The following SLC24A4 variants were observed in gnomAD, a reference collection of about 807,000 sequenced individuals.
SLC24A4 encodes the protein solute carrier family 24 member 4.
A neutral mutation model predicts 79.0 loss-of-function variants in SLC24A4; 53 were observed. The ratio of observed to expected loss-of-function variants is 0.67; its 90% CI spans 0.54 to 0.84. The LOEUF (loss-of-function observed/expected upper bound fraction) is 0.84. SLC24A4 is among the 40% of genes least tolerant of loss of function. The pLI, the probability that SLC24A4 is intolerant of heterozygous loss-of-function variation, is 0.00. For missense variants in SLC24A4, 731 were observed against 822.0 expected, an observed-to-expected ratio of 0.89 and a Z score of 1.35; for synonymous variants, 323 against 323.8, an observed-to-expected ratio of 1.00 and a Z score of 0.03.
intron 2 of SLC24A4, among the ~76,000 whole-genome samples, chr14:92,416,979 A>G (rs1159004955): frequency 1.3e-5 from 2 of 152,302 alleles, no homozygotes; most frequent in Non-Finnish European, 1.5e-5. Context: ...CCAAGTTACA[A>G]CTGTCAGTCA....
intron 2 of SLC24A4, among the ~76,000 whole-genome samples, chr14:92,410,514 A>G (rs779081734): frequency 1.3e-5 from 2 of 152,168 alleles, no homozygotes; most frequent in Admixed American, 1.3e-4. Context: ...TTTAAAAGCA[A>G]AAATTACCAT....
intron 2 of SLC24A4, among the ~76,000 whole-genome samples, chr14:92,339,921 G>C (rs1051998128): frequency 6.6e-6 from 1 of 152,230 alleles, no homozygotes; most frequent in Non-Finnish European, 1.5e-5. Context: ...AGGCAGAAGT[G>C]ATTGTCTTAC....
chr14:92,439,016 T>G (rs1004776076), intron 3 of SLC24A4, among the ~76,000 whole-genome samples: 4 of 151,946 alleles, frequency 2.6e-5, no homozygotes, highest in African/African-American at 9.7e-5. Flanking sequence ...TTCCGGGGGG[T>G]TTCGAGAATT....
At chr14:92,340,433 G>T (rs1257954630) in intron 2 of SLC24A4, among the ~76,000 whole-genome samples, 2 of 152,250 alleles carry the variant, frequency 1.3e-5, no homozygotes, top group Admixed American at 1.3e-4. Context: ...GGGGAGGGTG[G>T]GACGTTGCTG....
chr14:92,493,528 A>G lies in SLC24A4; in HGVS notation c.1769A>G (p.Tyr590Cys), dbSNP rs754128643. ...CGACTGGACCGGAAGCTGGGTGTCT[A>G]CGTGCTGGTTCTCTACGCCATCTTC... ...KWRLDRKLGV[Y>C]VLVLYAIFLC... is the part of the protein sequence containing the mutation. Residue 590 changes from tyrosine (Y) to cysteine (C), a missense_variant, in exon 17 of 17, where the codon TAC becomes TGC. By Grantham distance (194) the Tyr-to-Cys change is radical. Coordinates refer to ENST00000532405, the MANE Select transcript of SLC24A4 (RefSeq NM_153646.4). 3 of 1,614,178 alleles carry G rather than the reference A, an allele frequency of 1.9e-6. No individual in the cohort carries two copies. The highest frequency in any genetic ancestry group is 2.2e-5 in the East Asian group (1 of 44,880).
Position 92,493,545 on chromosome 14 carries a change from G to A in SLC24A4, c.1786G>A (p.Ala596Thr), listed in dbSNP as rs140893773. 1.3e-5 allele frequency: 21 copies of A among 1,613,990 alleles called. No individual in the cohort carries two copies. Among genetic ancestry groups the A allele is most frequent in the South Asian group, 5.5e-5 (5 of 91,084 alleles). The stretch of plus-strand genomic sequence containing the variant: ...GGGTGTCTACGTGCTGGTTCTCTAC[G>A]CCATCTTCTTGTGCTTCTCCATAAT... The part of the protein sequence containing the change: ...KLGVYVLVLY[A>T]IFLCFSIMIE... The change falls in exon 17 of 17, where the codon GCC becomes ACC. Residue 596 changes from alanine to threonine, a missense_variant. Physicochemically the swap from Ala to Thr is moderately conservative, Grantham distance 58. Coordinates refer to ENST00000532405, the MANE Select transcript of SLC24A4 (RefSeq NM_153646.4).
chr14:92,325,175 G>C (rs186005529), intron 1 of SLC24A4, among the ~76,000 whole-genome samples: 1 of 152,242 alleles, frequency 6.6e-6, no homozygotes, highest in Non-Finnish European at 1.5e-5. Flanking sequence ...AGCTGAAGCA[G>C]TGCGCATCAG....
intron 2 of SLC24A4, among the ~76,000 whole-genome samples, chr14:92,344,448 T>C (rs1239155194): frequency 6.6e-6 from 1 of 152,184 alleles, no homozygotes; most frequent in Admixed American, 6.5e-5. Context: ...TAATGTGTAG[T>C]GTTAAGTGAG....
chr14:92,403,663 G>C (rs1890228383), intron 2 of SLC24A4, among the ~76,000 whole-genome samples: 2 of 151,362 alleles, frequency 1.3e-5, no homozygotes, highest in Non-Finnish European at 2.9e-5. Flanking sequence ...CTGTAACCCG[G>C]ACCTCAGAAA....
In SLC24A4 at chr14:92,500,960, C is replaced by T. The variant is rs1421549444; in HGVS notation, c.*7332C>T. 6.6e-6 allele frequency: 1 copy of T among 152,310 alleles called. No individual in the cohort carries two copies. The highest frequency in any genetic ancestry group is 1.5e-5 in the Non-Finnish European group (1 of 68,108). 9.4% of individuals were successfully genotyped at this position (152,310 alleles called of 1,614,324 possible). ...AGAGGCCAGGCAGATCCACAAAGCC[C>T]AAGGGGATGCAGGCTGGGTGTGGTT... On this transcript the variant is annotated 3_prime_UTR_variant, in exon 17 of 17. Transcript: ENST00000532405.
chr14:92,372,918 T>TTCC (rs869215251), intron 2 of SLC24A4, among the ~76,000 whole-genome samples: 10 of 102,370 alleles, frequency 9.8e-5, no homozygotes, highest in Admixed American at 2.9e-4. Context: ...CCTTCCTTCC[T>TTCC]TTCTTTCTCT....
intron 2 of SLC24A4, among the ~76,000 whole-genome samples, chr14:92,368,851 A>G (rs1239138525): frequency 6.6e-6 from 1 of 152,100 alleles, no homozygotes; most frequent in Non-Finnish European, 1.5e-5. Flanking sequence ...CCTGGAGAGA[A>G]GGAAACTGAG....
intron 2 of SLC24A4, among the ~76,000 whole-genome samples, chr14:92,404,665 C>A (rs1045515613): frequency 4.6e-5 from 7 of 152,164 alleles, no homozygotes; most frequent in African/African-American, 1.7e-4. Context: ...TTCCTAACCA[C>A]CCCCATCTAA....
chr14:92,397,694 T>A (rs983871338), intron 2 of SLC24A4, among the ~76,000 whole-genome samples: 5 of 151,922 alleles, frequency 3.3e-5, no homozygotes, highest in African/African-American at 1.2e-4. Flanking sequence ...ACAGACAAGG[T>A]TGGAATTGCT....
In SLC24A4 at chr14:92,474,843, G is replaced by GTGTGTGTGTGTGTATATATATATA. The variant is rs779007741; in HGVS notation, c.1256-7836_1256-7835insGTGTGTGTGTGTATATATATATAT. On this transcript the variant is annotated intron_variant, in intron 12 of 16. Coordinates refer to ENST00000532405, the MANE Select transcript of SLC24A4 (RefSeq NM_153646.4). ...TATACATATATATGTGTGTGTGTGT[G>GTGTGTGTGTGTGTATATATATATA]TATATATATATATATATATATTTTT... Among the ~76,000 whole-genome samples, 6 of 23,872 alleles carry GTGTGTGTGTGTGTATATATATATA rather than the reference G, an allele frequency of 2.5e-4. No individual in the cohort carries two copies. The Admixed American group carries it at 3.1e-3, about 12-fold the overall frequency. The allele number at this position is 23,872 out of a possible 152,430, so 15.7% of individuals were successfully genotyped here. A position where few individuals can be genotyped will look rare whatever the true frequency, so the allele number is the denominator to read the frequency against.
At chr14:92,364,927 GTCCCAA>G (rs1887740771) in intron 2 of SLC24A4, among the ~76,000 whole-genome samples, 1 of 152,188 alleles carries the variant, frequency 6.6e-6, no homozygotes, top group Non-Finnish European at 1.5e-5. Context: ...CCTGCTTGTG[GTCCCAA>G]AGGTGCCGTG....
intron 2 of SLC24A4, among the ~76,000 whole-genome samples, chr14:92,417,289 A>T (rs1260068024): frequency 6.6e-6 from 1 of 152,202 alleles, no homozygotes; most frequent in Non-Finnish European, 1.5e-5. Context: ...GGTCTAGGCT[A>T]ATGTGTGTGC....
Position 92,439,419 on chromosome 14 carries a change from A to G in SLC24A4, c.393+10A>G. 6.2e-7 allele frequency: 1 copy of G among 1,611,310 alleles called. No homozygotes were observed. The highest frequency in any genetic ancestry group is 8.5e-7 in the Non-Finnish European group (1 of 1,177,578). On this transcript the variant is annotated intron_variant, in intron 4 of 16. Transcript: ENST00000532405. ...AGAGAAGATCTGTGAGGTATGTGGA[A>G]GGGACTTGGGACACCTTGGTGAAGC...
At chr14:92,395,954 T>C (rs1432253175) in intron 2 of SLC24A4, among the ~76,000 whole-genome samples, 1 of 152,134 alleles carries the variant, frequency 6.6e-6, no homozygotes, top group Non-Finnish European at 1.5e-5. Flanking sequence ...GCCTCCCGAG[T>C]AGCTGGGATT....
Sources: gnomAD v4.1 joint callset for allele counts (sites outside exome capture counted in the v4.1 genomes callset) on GRCh38, gnomAD v4.1.1 for gene constraint, MANE v1.5 for transcripts, NCBI Gene and HGNC (gene_info 2026-07-23, HGNC 2026-07-21) for gene names.